Variants in PLA2G6 observed in about 807,000 individuals in gnomAD.
The protein encoded by PLA2G6 is 85/88 kDa calcium-independent phospholipase A2.
A neutral mutation model predicts 83.8 loss-of-function variants in PLA2G6; 62 were observed. The ratio of observed to expected loss-of-function variants is 0.74; its 90% CI spans 0.60 to 0.91. The LOEUF is 0.91. Ranked by LOEUF, PLA2G6 falls within the 40% of genes least tolerant of loss-of-function variation. The pLI is 0.00. For synonymous variants in PLA2G6, 417 were observed against 449.8 expected, an observed-to-expected ratio of 0.93 and a Z score of 0.92; for missense variants, 944 against 1,102.0, an observed-to-expected ratio of 0.86 and a Z score of 2.03.
chr22:38,151,277 A>T (rs1319359976), intron 2 of PLA2G6, among the ~76,000 whole-genome samples: 1 of 151,158 alleles, frequency 6.6e-6, no homozygotes, highest in African/African-American at 2.4e-5. Context: ...ACATGGTCTC[A>T]CTCCTGTCAC....
chr22:38,180,957 A>T (rs1410873946), intron 1 of PLA2G6, among the ~76,000 whole-genome samples: 1 of 152,180 alleles, frequency 6.6e-6, no homozygotes, highest in African/African-American at 2.4e-5. Flanking sequence ...TTGGGCGGGT[A>T]AGAGGCAGGT....
At position 38,148,605 on chromosome 22, in the gene PLA2G6, G is replaced by A. The variant is rs1321396110; in HGVS notation, c.210-2952C>T. ...ACAGCCTCATGGGGCTCAGGACACA[G>A]GGACTGGAGCCCAGGCGTCTGCCAA... On this transcript the variant is annotated intron_variant, in intron 2 of 16. Coordinates refer to ENST00000332509, the MANE Select transcript of PLA2G6 (RefSeq NM_003560.4). The A allele has an allele frequency of 9.8e-6, 7 of 715,104 alleles. No homozygotes were observed. The Admixed American group carries it at 1.4e-4, about 14-fold the overall frequency. 44.3% of individuals were successfully genotyped at this position (715,104 alleles called of 1,614,324 possible). A position where few individuals can be genotyped will look rare whatever the true frequency, so the allele number is the denominator to read the frequency against.
Position 38,169,309 on chromosome 22 carries a change from C to T in PLA2G6, c.118G>A (p.Glu40Lys). 1 of 1,614,220 alleles carries T rather than the reference C, an allele frequency of 6.2e-7. No homozygotes were observed. Among genetic ancestry groups the T allele is most frequent in the Non-Finnish European group, 8.5e-7 (1 of 1,180,034 alleles). The change falls in exon 2 of 17, where the codon GAG becomes AAG. Residue 40 changes from glutamate (E) to lysine (K), a missense_variant. Glu to Lys is a moderately conservative substitution (Grantham distance 56). Coordinates refer to ENST00000332509, the MANE Select transcript of PLA2G6 (RefSeq NM_003560.4). ...ADYTSSDRVREEGQLILFQNT... is the reference protein window; with the variant it reads ...ADYTSSDRVRKEGQLILFQNT... Reference sequence around the variant, plus strand: ...TGGAACAGAATCAGCTGCCCTTCCTCCCGAACTCGGTCACTCGAGGTGTAG... The same window carrying T: ...TGGAACAGAATCAGCTGCCCTTCCTTCCGAACTCGGTCACTCGAGGTGTAG...
chr22:38,173,994 A>G (rs2090533667), intron 1 of PLA2G6, among the ~76,000 whole-genome samples: 1 of 151,956 alleles, frequency 6.6e-6, no homozygotes, highest in Admixed American at 6.6e-5. Flanking sequence ...TCGAGACTGC[A>G]GTGAGCCAAG....
intron 5 of PLA2G6, chr22:38,135,395 C>A: frequency 5.0e-6 from 2 of 398,036 alleles, no homozygotes; most frequent in South Asian, 2.4e-5. Context: ...AGAAGCTGAG[C>A]AACATGGAGA....
chr22:38,124,086 C>T (rs753042002), intron 10 of PLA2G6, among the ~76,000 whole-genome samples: 7 of 152,244 alleles, frequency 4.6e-5, no homozygotes, highest in Admixed American at 6.5e-5. Flanking sequence ...CCGCCTGTCT[C>T]GGCCTCCCAA....
At chr22:38,117,336 T>C (rs1369290966) in intron 12 of PLA2G6, among the ~76,000 whole-genome samples, 1 of 151,998 alleles carries the variant, frequency 6.6e-6, no homozygotes, top group African/African-American at 2.4e-5. Flanking sequence ...CCTCTCTGAG[T>C]AGCTGGGACT....
intron 7 of PLA2G6, chr22:38,130,853 T>C (rs902210676): frequency 1.3e-5 from 2 of 151,564 alleles, no homozygotes; most frequent in Non-Finnish European, 1.5e-5. Context: ...AATACAAAAT[T>C]AGCCAGGTGT....
At chr22:38,115,769 G>A (rs2087152976) in intron 13 of PLA2G6, 88 bp from the exon 14 acceptor site, 1 of 1,508,216 alleles carries the variant, frequency 6.6e-7, no homozygotes, top group Non-Finnish European at 8.9e-7. Flanking sequence ...GCGTGTTGGG[G>A]GCTGGGGGTG....
At chr22:38,152,069 A>T (rs908714298) in intron 2 of PLA2G6, among the ~76,000 whole-genome samples, 6 of 152,142 alleles carry the variant, frequency 3.9e-5, no homozygotes, top group Non-Finnish European at 8.8e-5. Flanking sequence ...TTAAATTTTG[A>T]TTCCAATGTT....
chr22:38,131,774 T>C, intron 7 of PLA2G6: 1 of 231,320 alleles, frequency 4.3e-6, no homozygotes, highest in South Asian at 4.8e-5. Flanking sequence ...CAGACTTCTG[T>C]ACATACGGTA....
chr22:38,155,152 G>A (rs1344148289), intron 2 of PLA2G6, among the ~76,000 whole-genome samples: 2 of 151,984 alleles, frequency 1.3e-5, no homozygotes, highest in Non-Finnish European at 2.9e-5. Context: ...GTGTGAACCC[G>A]GGAGGCAGAG....
At chr22:38,115,479 T>A in intron 14 of PLA2G6, 48 bp downstream of exon 14, 1 of 1,567,846 alleles carries the variant, frequency 6.4e-7, no homozygotes, top group Non-Finnish European at 8.8e-7. Flanking sequence ...GACACAGGAT[T>A]GGCTCCAGGG....
chr22:38,171,489 G>C (rs2090437600), intron 1 of PLA2G6, among the ~76,000 whole-genome samples: 1 of 151,986 alleles, frequency 6.6e-6, no homozygotes, highest in Non-Finnish European at 1.5e-5. Flanking sequence ...AGGACTACAG[G>C]TGTGTATCAC....
chr22:38,112,041 CT>C lies in PLA2G6; in HGVS notation c.*119del. The C allele has an allele frequency of 5.8e-6, 7 of 1,208,302 alleles. No homozygotes were observed. Among genetic ancestry groups the C allele is most frequent in the African/African-American group, 1.5e-5 (1 of 66,576 alleles). 74.8% of individuals were successfully genotyped at this position (1,208,302 alleles called of 1,614,324 possible). On this transcript the variant is annotated 3_prime_UTR_variant, in exon 17 of 17. Transcript: ENST00000332509. ...CAGGCAGCTTGGCATTCTCCCAGGCCTGGTCTATGGACTCAGAGGTGCCTGG... is the reference window on the plus strand; with the variant it reads ...CAGGCAGCTTGGCATTCTCCCAGGCCGGTCTATGGACTCAGAGGTGCCTGG...
chr22:38,161,435 C>T (rs1057003527), intron 2 of PLA2G6, among the ~76,000 whole-genome samples: 1 of 152,138 alleles, frequency 6.6e-6, no homozygotes. Flanking sequence ...CTAATCACCC[C>T]CATAGTGCTC....
chr22:38,117,284 G>A (rs969907123), intron 12 of PLA2G6, among the ~76,000 whole-genome samples: 9 of 152,138 alleles, frequency 5.9e-5, no homozygotes, highest in Non-Finnish European at 1.2e-4. Flanking sequence ...TCGGCTCACT[G>A]CAAGATCTGC....
intron 10 of PLA2G6, chr22:38,125,601 C>G (rs1054358751): frequency 2.4e-5 from 11 of 463,220 alleles, no homozygotes; most frequent in Non-Finnish European, 4.5e-5. Flanking sequence ...GACGTGGGTT[C>G]GGAAGACCCG....
chr22:38,143,698 C>T (rs1030876434), intron 3 of PLA2G6: 1 of 349,266 alleles, frequency 2.9e-6, no homozygotes. Flanking sequence ...TGAGACAGTG[C>T]TGTCCAAAAG....
Sources: gnomAD v4.1 joint callset for allele counts (sites outside exome capture counted in the v4.1 genomes callset) on GRCh38, gnomAD v4.1.1 for gene constraint, MANE v1.5 for transcripts, NCBI Gene and HGNC (gene_info 2026-07-23, HGNC 2026-07-21) for gene names.